HNMT: variants seen among roughly 807,000 people sequenced by gnomAD.
HNMT encodes the protein histamine N-methyltransferase.
A neutral mutation model predicts 32.1 loss-of-function variants in HNMT; 30 were observed. That is an observed-to-expected ratio of 0.93 (90% confidence interval 0.70 to 1.27). The LOEUF is 1.27. Among genes scored for constraint, HNMT ranks in the 50% most tolerant of loss-of-function variants. The probability of loss-of-function intolerance (pLI) is 0.00; values close to 1 mark genes in which losing one functional copy is unlikely to be tolerated. For missense variants in HNMT, 327 were observed against 346.0 expected (o/e 0.95, Z 0.43); for synonymous variants, 125 against 119.0 (o/e 1.05, Z -0.33).
At chr2:138,000,167 C>T (rs1412064453) in intron 2 of HNMT, among the ~76,000 whole-genome samples, 1 of 152,136 alleles carries the variant, frequency 6.6e-6, no homozygotes, top group Non-Finnish European at 1.5e-5. Flanking sequence ...GTGTGTGCAT[C>T]TGTCATCTTG....
intron 1 of HNMT, chr2:137,967,327 C>T (rs978955784): frequency 1.4e-5 from 7 of 515,360 alleles, no homozygotes; most frequent in South Asian, 3.0e-5. Context: ...CACTTAAGTC[C>T]GAGAGATCGA....
rs1304857239 is a variant in HNMT at position 138,015,999 on chromosome 2, A to G, written c.*1869A>G. On this transcript the variant is annotated 3_prime_UTR_variant, in exon 6 of 6. Coordinates refer to ENST00000280097, the MANE Select transcript of HNMT (RefSeq NM_006895.3). ...AGCCTTTTTAAAGAGAGAAATTCCC[A>G]TGAAAACCTACTAGTCAGCAATGGG... 1.3e-5 allele frequency: 2 copies of G among 152,136 alleles called. No individual in the cohort carries two copies. Among genetic ancestry groups the G allele is most frequent in the African/African-American group, 2.4e-5 (1 of 41,452 alleles). 9.4% of individuals were successfully genotyped at this position (152,136 alleles called of 1,614,324 possible). A position where few individuals can be genotyped will look rare whatever the true frequency, so the allele number is the denominator to read the frequency against.
At chr2:137,986,772 AT>A (rs1680663975) in intron 2 of HNMT, among the ~76,000 whole-genome samples, 1 of 152,246 alleles carries the variant, frequency 6.6e-6, no homozygotes, top group African/African-American at 2.4e-5. Flanking sequence ...AAAATAAGCT[AT>A]AATTCTATCG....
At chr2:137,969,900 T>C (rs1233179626) in intron 1 of HNMT, among the ~76,000 whole-genome samples, 2 of 152,212 alleles carry the variant, frequency 1.3e-5, no homozygotes, top group East Asian at 3.8e-4. Flanking sequence ...CTCCAAGCCA[T>C]AACCAAACAA....
At chr2:137,977,903 T>C (rs1680333872) in intron 2 of HNMT, among the ~76,000 whole-genome samples, 1 of 152,032 alleles carries the variant, frequency 6.6e-6, no homozygotes, top group Admixed American at 6.6e-5. Flanking sequence ...TGCTTTCTCC[T>C]GGATATCCCA....
At chr2:137,999,400 C>T (rs898370799) in intron 2 of HNMT, among the ~76,000 whole-genome samples, 20 of 152,074 alleles carry the variant, frequency 1.3e-4, no homozygotes, top group African/African-American at 4.8e-4. Flanking sequence ...CCTTCCCACT[C>T]TCCCTCCTTC....
chr2:138,008,439 G>A (rs139511232), intron 5 of HNMT, among the ~76,000 whole-genome samples: 22 of 152,038 alleles, frequency 1.4e-4, no homozygotes, highest in Non-Finnish European at 2.2e-4. Context: ...GAATAATCCT[G>A]CAATGAACAT....
At chr2:137,978,509 TTA>T in intron 2 of HNMT, among the ~76,000 whole-genome samples, 1 of 117,560 alleles carries the variant, frequency 8.5e-6, no homozygotes, top group South Asian at 2.8e-4. Context: ...ATACATATGA[TTA>T]TATAATATAG....
At chr2:138,009,820 G>A (rs553865017) in intron 5 of HNMT, among the ~76,000 whole-genome samples, 9 of 152,098 alleles carry the variant, frequency 5.9e-5, no homozygotes, top group East Asian at 1.9e-4. Flanking sequence ...CTCATCAGCC[G>A]AGGTGTTCCA....
At chr2:137,997,411 C>T (rs1437681032) in intron 2 of HNMT, among the ~76,000 whole-genome samples, 1 of 152,050 alleles carries the variant, frequency 6.6e-6, no homozygotes, top group Non-Finnish European at 1.5e-5. Context: ...GGCCAACAAA[C>T]ATATGAAAAA....
chr2:138,002,869 G>C, intron 4 of HNMT: 1 of 663,006 alleles, frequency 1.5e-6, no homozygotes, highest in Non-Finnish European at 1.9e-6. Flanking sequence ...TTCTGTAGTG[G>C]ACATATGGTC....
chr2:137,970,637 G>C (rs1680092144), intron 2 of HNMT, among the ~76,000 whole-genome samples: 1 of 152,052 alleles, frequency 6.6e-6, no homozygotes, highest in Admixed American at 6.6e-5. Flanking sequence ...ATGTGCACAG[G>C]AGGCTGGGCG....
intron 2 of HNMT, among the ~76,000 whole-genome samples, chr2:137,970,952 A>AT: frequency 6.7e-6 from 1 of 149,414 alleles, no homozygotes; most frequent in Admixed American, 6.7e-5. Context: ...AAAGAAAGAA[A>AT]GAAAGAAAGA....
intron 2 of HNMT, among the ~76,000 whole-genome samples, chr2:137,977,466 AT>A (rs1229180525): frequency 6.6e-6 from 1 of 151,966 alleles, no homozygotes; most frequent in East Asian, 1.9e-4. Context: ...CCTGAAGGGG[AT>A]TGGGGGGGTT....
rs1192928385 is a variant in HNMT at position 138,015,552 on chromosome 2, G to A, written c.*1422G>A. On this transcript the variant is annotated 3_prime_UTR_variant, in exon 6 of 6. Coordinates refer to ENST00000280097, the MANE Select transcript of HNMT (RefSeq NM_006895.3). The stretch of plus-strand genomic sequence containing the variant: ...TGTTCATAATAAGTAAAATGGACTT[G>A]CATTGCTCTCTTTTTTGGACAACTT... The A allele has an allele frequency of 6.6e-6, 1 of 152,158 alleles. No homozygotes were observed. The highest frequency in any genetic ancestry group is 1.5e-5 in the Non-Finnish European group (1 of 68,022). 9.4% of individuals were successfully genotyped at this position (152,158 alleles called of 1,614,324 possible).
intron 3 of HNMT, 33 bp from the exon 4 acceptor site, chr2:138,002,031 T>C (rs771122948): frequency 5.5e-6 from 8 of 1,457,480 alleles, no homozygotes; most frequent in African/African-American, 1.4e-5. Context: ...GCAATTAAAA[T>C]TGATGGTGTG....
chr2:137,975,067 T>C (rs563042666), intron 2 of HNMT, among the ~76,000 whole-genome samples: 2 of 152,254 alleles, frequency 1.3e-5, no homozygotes, highest in African/African-American at 4.8e-5. Context: ...GTCCAACAAA[T>C]TGTACTAAAC....
intron 4 of HNMT, chr2:138,002,701 C>T (rs1681211287): frequency 1.7e-6 from 1 of 595,770 alleles, no homozygotes; most frequent in African/African-American, 2.0e-5. Flanking sequence ...CCCTCTTCAA[C>T]CTCCAAAAGT....
chr2:137,976,574 C>T (rs145232619), intron 2 of HNMT, among the ~76,000 whole-genome samples: 67 of 152,172 alleles, frequency 4.4e-4, no homozygotes, highest in African/African-American at 1.6e-3. Flanking sequence ...TCTAGACCTG[C>T]AGACAACTTT....
Sources: allele counts gnomAD v4.1 joint callset (sites outside exome capture counted in the v4.1 genomes callset), GRCh38; gene constraint gnomAD v4.1.1; transcripts MANE v1.5; gene names NCBI Gene and HGNC (gene_info 2026-07-23, HGNC 2026-07-21).